Variants in TRDN observed in about 807,000 individuals in gnomAD.
TRDN encodes the protein triadin, also known as triadin in skeletal muscle.
Under a neutral mutation model 149.7 loss-of-function variants are expected in TRDN, and 161 were observed. The ratio of observed to expected loss-of-function variants is 1.08; its 90% CI spans 0.95 to 1.23. The LOEUF is 1.23. Among genes scored for constraint, TRDN ranks in the 50% most tolerant of loss-of-function variants. The pLI is 0.00. For missense variants in TRDN, 896 were observed against 823.5 expected (o/e 1.09, Z -1.08); for synonymous variants, 294 against 250.5 (o/e 1.17, Z -1.64).
At chr6:123,519,706 G>C (rs955129833) in intron 5 of TRDN, among the ~76,000 whole-genome samples, 2 of 148,162 alleles carry the variant, frequency 1.3e-5, no homozygotes, top group African/African-American at 5.0e-5. Context: ...TACTGCATAG[G>C]ACTAATCTTG....
intron 35 of TRDN, among the ~76,000 whole-genome samples, chr6:123,257,075 G>T (rs536246079): frequency 2.3e-4 from 35 of 151,766 alleles, no homozygotes; most frequent in African/African-American, 8.2e-4. Context: ...CTGCCTCTCA[G>T]GTTCAAGTGA....
intron 2 of TRDN, among the ~76,000 whole-genome samples, chr6:123,560,012 G>A (rs947235117): frequency 6.6e-6 from 1 of 152,052 alleles, no homozygotes; most frequent in Non-Finnish European, 1.5e-5. Flanking sequence ...CAGACCCCAT[G>A]ACTTCAGTCT....
intron 4 of TRDN, among the ~76,000 whole-genome samples, chr6:123,532,997 A>G (rs920928364): frequency 2.0e-5 from 3 of 151,962 alleles, no homozygotes; most frequent in African/African-American, 4.8e-5. Context: ...CCAAGCCAAC[A>G]GATGCTGTGA....
intron 2 of TRDN, among the ~76,000 whole-genome samples, chr6:123,566,528 G>A (rs1248708194): frequency 1.3e-5 from 2 of 152,164 alleles, no homozygotes; most frequent in Non-Finnish European, 2.9e-5. Flanking sequence ...ATTTCTCTAT[G>A]AACAACCTTT....
chr6:123,485,289 C>A (rs1297800563), intron 9 of TRDN, among the ~76,000 whole-genome samples: 1 of 152,106 alleles, frequency 6.6e-6, no homozygotes, highest in African/African-American at 2.4e-5. Flanking sequence ...ACCAATAACT[C>A]CTTTAAGAAA....
intron 1 of TRDN, among the ~76,000 whole-genome samples, chr6:123,589,239 C>G (rs1415793946): frequency 6.6e-6 from 1 of 152,160 alleles, no homozygotes; most frequent in African/African-American, 2.4e-5. Flanking sequence ...TAGCAAGGCT[C>G]TGGTTCTTAG....
At chr6:123,272,008 A>C (rs1030984802) in intron 29 of TRDN, among the ~76,000 whole-genome samples, 1 of 151,816 alleles carries the variant, frequency 6.6e-6, no homozygotes, top group East Asian at 1.9e-4. Context: ...GTTGTTTCTA[A>C]GGTTCTGCTT....
rs151308634 is a variant in TRDN at position 123,334,472 on chromosome 6, T to C, written c.1421-2543A>G. Among the ~76,000 whole-genome samples, 700 of 152,168 alleles carry C rather than the reference T, an allele frequency of 4.6e-3. 8 individuals are homozygous for C. The highest frequency in any genetic ancestry group is 0.016 in the African/African-American group (668 of 41,556). ...TAGGTGAATCTTCCATACTCAGATA[T>C]GTCAGACCAGGAGTTAGAAACAAGT... On this transcript the variant is annotated intron_variant, in intron 22 of 40. Transcript: ENST00000334268.
chr6:123,494,717 C>A (rs1194831086), intron 9 of TRDN, among the ~76,000 whole-genome samples: 1 of 152,068 alleles, frequency 6.6e-6, no homozygotes, highest in African/African-American at 2.4e-5. Flanking sequence ...ATGGTTAGCA[C>A]TCCTTTGACC....
intron 9 of TRDN, among the ~76,000 whole-genome samples, chr6:123,466,227 T>C (rs758197577): frequency 6.6e-6 from 1 of 152,198 alleles, no homozygotes; most frequent in Non-Finnish European, 1.5e-5. Context: ...ATTTTTTCAT[T>C]AGCAAAGAAA....
chr6:123,366,761 G>T (rs188472009), intron 19 of TRDN, among the ~76,000 whole-genome samples: 1 of 151,882 alleles, frequency 6.6e-6, no homozygotes, highest in Non-Finnish European at 1.5e-5. Flanking sequence ...CAGGTGATCC[G>T]CCCGCCTCAG....
At chr6:123,385,145 C>A (rs1161682789) in intron 14 of TRDN, among the ~76,000 whole-genome samples, 1 of 151,974 alleles carries the variant, frequency 6.6e-6, no homozygotes, top group East Asian at 1.9e-4. Flanking sequence ...AATGAAATAC[C>A]AGCTGGGCGC....
chr6:123,440,639 C>A (rs894440032), intron 10 of TRDN, among the ~76,000 whole-genome samples: 1 of 152,090 alleles, frequency 6.6e-6, no homozygotes, highest in Non-Finnish European at 1.5e-5. Flanking sequence ...ACACTAATGC[C>A]ATACTAACCA....
At chr6:123,552,568 C>A (rs1276669206) in intron 2 of TRDN, among the ~76,000 whole-genome samples, 3 of 152,102 alleles carry the variant, frequency 2.0e-5, no homozygotes, top group Non-Finnish European at 4.4e-5. Flanking sequence ...TCCTACCCAG[C>A]GCTGTGCCAA....
rs756373078 is a variant in TRDN, at chr6:123,279,045, A to G, written c.1537+11T>C. ...GTACGTGTTTGTTTATTGAGCATGC[A>G]TATAACATACGTGGAGGTTTAGGCT... On this transcript the variant is annotated intron_variant, in intron 25 of 40. Coordinates refer to ENST00000334268, the MANE Select transcript of TRDN (RefSeq NM_006073.4). 6.2e-7 allele frequency: 1 copy of G among 1,607,832 alleles called. No homozygotes were observed. The highest frequency in any genetic ancestry group is 8.5e-7 in the Non-Finnish European group (1 of 1,177,364).
chr6:123,488,056 C>T (rs1778049464), intron 9 of TRDN, among the ~76,000 whole-genome samples: 1 of 152,136 alleles, frequency 6.6e-6, no homozygotes, highest in Non-Finnish European at 1.5e-5. Context: ...ATATCCTCTA[C>T]TATGCTGAGC....
At chr6:123,558,855 C>T (rs142095354) in intron 2 of TRDN, among the ~76,000 whole-genome samples, 5,582 of 152,278 alleles carry the variant, frequency 0.037, 156 homozygotes, top group African/African-American at 0.077. Flanking sequence ...GAACTCCAAA[C>T]GCCTGAACTG....
At position 123,571,490 on chromosome 6, in the gene TRDN, TTTTGTTTGTTTG is replaced by T. The variant is rs71767467; in HGVS notation, c.23-370_23-359del. 4.6e-5 allele frequency among the ~76,000 whole-genome samples: 7 copies of T among 151,380 alleles called. No individual in the cohort carries two copies. In the South Asian group the frequency reaches 6.3e-4, roughly 14 times the overall value. On this transcript the variant is annotated intron_variant, in intron 1 of 40. Transcript: ENST00000334268. Reference sequence around the variant, plus strand: ...AGGTCATCTAATGAGGTCATTCATGTTTTGTTTGTTTGTTTGTTTGTTTGTTTGTTTGTAGGG... The same window carrying T: ...AGGTCATCTAATGAGGTCATTCATGTTTTGTTTGTTTGTTTGTTTGTAGGG...
intron 1 of TRDN, among the ~76,000 whole-genome samples, chr6:123,584,988 C>T (rs758707066): frequency 4.5e-4 from 68 of 152,026 alleles, no homozygotes; most frequent in Non-Finnish European, 8.4e-4. Flanking sequence ...CTGTAGCAGG[C>T]AAGTGATAAC....
Sources: allele counts gnomAD v4.1 joint callset (sites outside exome capture counted in the v4.1 genomes callset), GRCh38; gene constraint gnomAD v4.1.1; transcripts MANE v1.5; gene names NCBI Gene and HGNC (gene_info 2026-07-23, HGNC 2026-07-21).